Variants in TTLL5 observed in about 807,000 individuals in gnomAD.
TTLL5 encodes the protein tubulin tyrosine ligase like 5.
TTLL5 carries 132 observed loss-of-function variants against 168.4 expected under a neutral mutation model. That is an observed-to-expected ratio of 0.78 (90% CI 0.68 to 0.91). TTLL5 has a LOEUF of 0.91. Ranked by LOEUF, TTLL5 falls within the 40% of genes least tolerant of loss-of-function variation. TTLL5 has a pLI of 0.00. For missense variants in TTLL5, 1,545 were observed against 1,581.5 expected (o/e 0.98, Z 0.39); for synonymous variants, 546 against 558.6 (o/e 0.98, Z 0.32).
chr14:75,877,772 T>A (rs1313501790), intron 29 of TTLL5, among the ~76,000 whole-genome samples: 1 of 152,182 alleles, frequency 6.6e-6, no homozygotes, highest in Non-Finnish European at 1.5e-5. Flanking sequence ...ACAGAACAAT[T>A]CACATGATGG....
chr14:75,821,377 T>C (rs533825355), intron 28 of TTLL5, among the ~76,000 whole-genome samples: 2 of 152,322 alleles, frequency 1.3e-5, no homozygotes, highest in Admixed American at 6.5e-5. Flanking sequence ...ACATCAGTCA[T>C]AAACAAGAAA....
chr14:75,946,253 G>T (rs1268128366), intron 31 of TTLL5, among the ~76,000 whole-genome samples: 1 of 152,202 alleles, frequency 6.6e-6, no homozygotes, highest in Non-Finnish European at 1.5e-5. Context: ...AAGGAGAGCA[G>T]ATGTTCAAAA....
chr14:75,714,838 G>A (rs1361303005), intron 9 of TTLL5, among the ~76,000 whole-genome samples: 4 of 152,122 alleles, frequency 2.6e-5, no homozygotes, highest in East Asian at 1.9e-4. Flanking sequence ...TGCTAGATAC[G>A]CTCATTGTTT....
intron 26 of TTLL5, among the ~76,000 whole-genome samples, chr14:75,790,821 G>T (rs1892656023): frequency 6.6e-6 from 1 of 150,466 alleles, no homozygotes; most frequent in Non-Finnish European, 1.5e-5. Flanking sequence ...TTGGGGCCGG[G>T]TGCGGTGGCT....
At chr14:75,668,050 T>C (rs149259597) in intron 2 of TTLL5, among the ~76,000 whole-genome samples, 2 of 152,166 alleles carry the variant, frequency 1.3e-5, no homozygotes, top group East Asian at 3.9e-4. Context: ...TGAGCCACCG[T>C]GTCCGGCCCG....
At chr14:75,921,927 G>A (rs1313499928) in intron 31 of TTLL5, among the ~76,000 whole-genome samples, 2 of 152,140 alleles carry the variant, frequency 1.3e-5, no homozygotes, top group South Asian at 2.1e-4. Context: ...AGTTCTCCTC[G>A]AAGAGGTCCT....
chr14:75,834,324 A>G (rs1302584558), intron 28 of TTLL5, among the ~76,000 whole-genome samples: 2 of 152,132 alleles, frequency 1.3e-5, no homozygotes, highest in East Asian at 1.9e-4. Flanking sequence ...TTGAGGATAA[A>G]GTGGGAAAGT....
intron 3 of TTLL5, among the ~76,000 whole-genome samples, chr14:75,671,671 AT>A (rs1220433069): frequency 6.6e-6 from 1 of 151,846 alleles, no homozygotes; most frequent in Non-Finnish European, 1.5e-5. Flanking sequence ...TGTTTTCTCA[AT>A]TTCATTTTTG....
intron 27 of TTLL5, among the ~76,000 whole-genome samples, chr14:75,816,012 T>G (rs1894370816): frequency 6.6e-6 from 1 of 152,266 alleles, no homozygotes; most frequent in Non-Finnish European, 1.5e-5. Context: ...GAACACTCTC[T>G]GTTCTGTCTT....
chr14:75,727,894 A>G (rs1302288598), intron 12 of TTLL5: 2 of 479,882 alleles, frequency 4.2e-6, no homozygotes, highest in South Asian at 1.5e-5. Flanking sequence ...AAGCAGCACA[A>G]GGAGTCCTTT....
Position 75,681,633 on chromosome 14 carries a change from T to G in TTLL5, c.264+6T>G, listed in dbSNP as rs201717756. On this transcript the variant is annotated splice_donor_region_variant and intron_variant, in intron 4 of 31. Coordinates refer to ENST00000298832, the MANE Select transcript of TTLL5 (RefSeq NM_015072.5). Reference sequence around the variant, plus strand: ...CAGCCCATGGATTTCATGAAGTAAGTTTATTTTTAATACCTCACCTGATCT... The same window carrying G: ...CAGCCCATGGATTTCATGAAGTAAGGTTATTTTTAATACCTCACCTGATCT... 6.2e-7 allele frequency: 1 copy of G among 1,612,110 alleles called. No individual in the cohort carries two copies.
chr14:75,676,455 C>G (rs1315556954), intron 3 of TTLL5, among the ~76,000 whole-genome samples: 1 of 152,128 alleles, frequency 6.6e-6, no homozygotes, highest in Non-Finnish European at 1.5e-5. Context: ...TTTGTAACCT[C>G]TAGTCTAAAA....
intron 28 of TTLL5, among the ~76,000 whole-genome samples, chr14:75,845,345 G>A (rs570652275): frequency 2.0e-5 from 3 of 152,270 alleles, no homozygotes; most frequent in Non-Finnish European, 4.4e-5. Flanking sequence ...GAGACATACC[G>A]AAGGACTCCC....
chr14:75,925,947 G>A (rs1204494048), intron 31 of TTLL5, among the ~76,000 whole-genome samples: 1 of 151,768 alleles, frequency 6.6e-6, no homozygotes. Context: ...GCACTTGGCA[G>A]GCTGAGGCAG....
intron 28 of TTLL5, among the ~76,000 whole-genome samples, chr14:75,844,324 G>A (rs376898198): frequency 6.6e-6 from 1 of 152,168 alleles, no homozygotes; most frequent in Non-Finnish European, 1.5e-5. Context: ...AAAGGTTATT[G>A]TTCCTCCATT....
intron 12 of TTLL5, among the ~76,000 whole-genome samples, chr14:75,725,983 A>G (rs953301363): frequency 6.6e-6 from 1 of 152,172 alleles, no homozygotes; most frequent in African/African-American, 2.4e-5. Flanking sequence ...TTTGAATCCA[A>G]AGCCAAGGTA....
rs1555352363 is a variant in TTLL5 at position 75,863,926 on chromosome 14, A to AAAGAAAAAG, written c.3522+66_3522+67insGAAAAAGAA. ...CTGCTGTTGGTAAAAAAAAAAAAAAAAAAAAAAAGGTCAGTGAATGAGAAA... is the reference window on the plus strand; with the variant it reads ...CTGCTGTTGGTAAAAAAAAAAAAAAAAAGAAAAAGAAAAAAAAGGTCAGTGAATGAGAAA... On this transcript the variant is annotated intron_variant, in intron 29 of 31. Transcript: ENST00000298832. 8.7e-6 allele frequency: 11 copies of AAAGAAAAAG among 1,257,772 alleles called. 1 individual carries two copies. In the Admixed American group the frequency reaches 9.7e-5, roughly 11 times the overall value. 77.9% of individuals were successfully genotyped at this position (1,257,772 alleles called of 1,614,324 possible). A position where few individuals can be genotyped will look rare whatever the true frequency, so the allele number is the denominator to read the frequency against.
intron 6 of TTLL5, among the ~76,000 whole-genome samples, chr14:75,696,649 C>T (rs899367081): frequency 6.6e-6 from 1 of 152,114 alleles, no homozygotes; most frequent in Non-Finnish European, 1.5e-5. Flanking sequence ...TCCCATGGTA[C>T]AAAAGAAATT....
chr14:75,800,773 T>G (rs1478117259), intron 27 of TTLL5, among the ~76,000 whole-genome samples: 2 of 152,150 alleles, frequency 1.3e-5, no homozygotes, highest in African/African-American at 4.8e-5. Flanking sequence ...GCTGCTGGGC[T>G]CTGGGCTGGT....
Sources: allele counts gnomAD v4.1 joint callset (sites outside exome capture counted in the v4.1 genomes callset), GRCh38; gene constraint gnomAD v4.1.1; transcripts MANE v1.5; gene names NCBI Gene and HGNC (gene_info 2026-07-23, HGNC 2026-07-21).